CFAP20: variants seen among roughly 807,000 people sequenced by gnomAD.
CFAP20 encodes the protein cilia- and flagella-associated protein 20.
A neutral mutation model predicts 25.5 loss-of-function variants in CFAP20; 14 were observed. The observed-to-expected ratio is 0.55, with a 90% CI of 0.36 to 0.86. The LOEUF is 0.86. Among genes scored for constraint, CFAP20 ranks in the 40% least tolerant of loss-of-function variants. The probability of loss-of-function intolerance (pLI) is 0.01; values close to 1 mark genes in which losing one functional copy is unlikely to be tolerated. For missense variants in CFAP20, 181 were observed against 248.0 expected, an observed-to-expected ratio of 0.73 and a Z score of 1.81; for synonymous variants, 75 against 91.1, an observed-to-expected ratio of 0.82 and a Z score of 1.01.
At chr16:58,122,531 G>A (rs982893028) in intron 1 of CFAP20, among the ~76,000 whole-genome samples, 3 of 152,096 alleles carry the variant, frequency 2.0e-5, no homozygotes, top group African/African-American at 7.2e-5. Flanking sequence ...GCAGTAAGCT[G>A]AGATTGTGCC....
intron 2 of CFAP20, 151 bp downstream of exon 2, chr16:58,116,721 G>C: frequency 1.6e-6 from 1 of 640,600 alleles, no homozygotes; most frequent in Non-Finnish European, 2.7e-6. Context: ...CTAAGGTCTG[G>C]GGGATTCAGT....
intron 1 of CFAP20, among the ~76,000 whole-genome samples, chr16:58,121,154 G>C (rs1325845938): frequency 6.6e-6 from 1 of 152,148 alleles, no homozygotes; most frequent in Non-Finnish European, 1.5e-5. Flanking sequence ...TTGGGGCAAA[G>C]GCTCCCCACC....
intron 5 of CFAP20, 55 bp downstream of exon 5, chr16:58,114,755 G>A: frequency 1.4e-6 from 2 of 1,432,940 alleles, no homozygotes; most frequent in Non-Finnish European, 2.0e-6. Context: ...CACCTTCCAG[G>A]AACACAGCTC....
chr16:58,124,680 G>A (rs925945585), intron 1 of CFAP20, among the ~76,000 whole-genome samples: 30 of 152,252 alleles, frequency 2.0e-4, no homozygotes, highest in Non-Finnish European at 3.4e-4. Context: ...CACTGGCCAT[G>A]AGTGGAGCAT....
rs1960443130 is a variant in CFAP20, at chr16:58,115,321, T to A, written c.413A>T (p.Asp138Val). The change falls in exon 4 of 6, where the codon GAC becomes GTC. Residue 138 changes from aspartate to valine, a missense_variant. Coordinates refer to ENST00000262498, the MANE Select transcript of CFAP20 (RefSeq NM_013242.3). ...GGTGCCGTATGCTCGCCGTGTGAAGTCTAGCAAGTTGAACTGAATCTGGTT... is the reference window on the plus strand; with the variant it reads ...GGTGCCGTATGCTCGCCGTGTGAAGACTAGCAAGTTGAACTGAATCTGGTT... Reference protein sequence around the residue: ...GWNQIQFNLLDFTRRAYGTNY... With the variant: ...GWNQIQFNLLVFTRRAYGTNY... The A allele has an allele frequency of 6.2e-7, 1 of 1,614,050 alleles. No individual in the cohort carries two copies. Among genetic ancestry groups the A allele is most frequent in the South Asian group, 1.1e-5 (1 of 91,082 alleles).
At chr16:58,115,480 A>G (rs1479112026) in intron 3 of CFAP20, 23 bp from the exon 4 acceptor site, 6 of 1,611,904 alleles carry the variant, frequency 3.7e-6, no homozygotes, top group Non-Finnish European at 4.2e-6. Flanking sequence ...GAGAAGAAGC[A>G]TCACACTAGC....
intron 1 of CFAP20, among the ~76,000 whole-genome samples, chr16:58,123,536 C>T (rs931113675): frequency 1.6e-5 from 2 of 128,922 alleles, no homozygotes; most frequent in Admixed American, 2.0e-4. Flanking sequence ...GTGGAGCCTG[C>T]AGTGAGCCGA....
Position 58,115,340 on chromosome 16 carries a change from T to C in CFAP20, c.394A>G (p.Ile132Val), listed in dbSNP as rs1343358514. ...GTGAAGTCTAGCAAGTTGAACTGAA[T>C]CTGGTTCCAGCCGTCATCCAGCCGC... ...PMRLDDGWNQ[I>V]QFNLLDFTRR... Residue 132 changes from isoleucine (I) to valine (V), a missense_variant, in exon 4 of 6, where the codon ATT (isoleucine) becomes GTT (valine). Transcript: ENST00000262498. The C allele has an allele frequency of 1.2e-6, 2 of 1,614,220 alleles. No homozygotes were observed. Among genetic ancestry groups the C allele is most frequent in the Admixed American group, 1.7e-5 (1 of 60,030 alleles).
chr16:58,128,894 G>A, intron 1 of CFAP20, 138 bp downstream of exon 1: 1 of 468,260 alleles, frequency 2.1e-6, no homozygotes, highest in Non-Finnish European at 2.7e-6. Context: ...AGTCCCGCCA[G>A]GCTGGGGACA....
chr16:58,115,180 C>T, intron 4 of CFAP20, 89 bp downstream of exon 4: 1 of 1,542,640 alleles, frequency 6.5e-7, no homozygotes, highest in Non-Finnish European at 8.9e-7. Flanking sequence ...CAGAAACCCA[C>T]ACTGTTCTGC....
Position 58,114,855 on chromosome 16 carries a change from C to A in CFAP20, c.531G>T (p.Leu177=). 6.2e-7 allele frequency: 1 copy of A among 1,614,084 alleles called. No individual in the cohort carries two copies. The highest frequency in any genetic ancestry group is 1.3e-5 in the African/African-American group (1 of 75,004). ...GGAGATACAGTTTGAACTCTGCCGG[C>A]AGCTCATCTTCTGAGTAGAGTCTGT... The part of the protein sequence containing the change: ...FSDRLYSEDE[L]PAEFKLYLPV... Residue 177 remains leucine (L), a synonymous_variant, in exon 5 of 6, where the codon CTG becomes CTT. Transcript: ENST00000262498.
intron 1 of CFAP20, among the ~76,000 whole-genome samples, chr16:58,118,361 T>C (rs926402080): frequency 2.6e-5 from 4 of 151,524 alleles, no homozygotes; most frequent in African/African-American, 9.7e-5. Flanking sequence ...AGTGTGCCTA[T>C]AGTCCCAACT....
intron 1 of CFAP20, among the ~76,000 whole-genome samples, chr16:58,121,065 T>C (rs929691873): frequency 2.0e-5 from 3 of 152,172 alleles, no homozygotes; most frequent in Non-Finnish European, 4.4e-5. Context: ...CAATCAGATA[T>C]GTGCATTAGA....
Position 58,114,902 on chromosome 16 carries a change from T to C in CFAP20, c.484A>G (p.Ile162Val). 6.2e-7 allele frequency: 1 copy of C among 1,613,714 alleles called. No individual in the cohort carries two copies. The highest frequency in any genetic ancestry group is 8.5e-7 in the Non-Finnish European group (1 of 1,179,616). Reference sequence around the variant, plus strand: ...CTGTCTGAGAAGTAAACCCGTCGGATGCGACAATTTGCATGGATCTGTCAA... The same window carrying C: ...CTGTCTGAGAAGTAAACCCGTCGGACGCGACAATTTGCATGGATCTGTCAA... ...LRVQIHANCR[I>V]RRVYFSDRLY... is the part of the protein sequence containing the mutation. The change falls in exon 5 of 6, where the codon ATC (isoleucine) becomes GTC (valine). Residue 162 changes from isoleucine to valine, a missense_variant. Ile to Val is a conservative substitution (Grantham distance 29). Coordinates refer to ENST00000262498, the MANE Select transcript of CFAP20 (RefSeq NM_013242.3).
intron 1 of CFAP20, among the ~76,000 whole-genome samples, chr16:58,126,956 T>C (rs965172518): frequency 4.0e-5 from 6 of 150,778 alleles, no homozygotes; most frequent in Non-Finnish European, 5.9e-5. Context: ...CAATTGAGTC[T>C]AAATAAGAAG....
chr16:58,124,581 C>A (rs1960584962), intron 1 of CFAP20, among the ~76,000 whole-genome samples: 1 of 152,166 alleles, frequency 6.6e-6, no homozygotes, highest in African/African-American at 2.4e-5. Context: ...CTGTAGGCAA[C>A]TGTAACATAA....
chr16:58,118,557 T>C (rs1254709590), intron 1 of CFAP20, among the ~76,000 whole-genome samples: 2 of 145,234 alleles, frequency 1.4e-5, no homozygotes, highest in African/African-American at 2.5e-5. Context: ...GGGTCAGGCA[T>C]GGTGGTTCAC....
intron 1 of CFAP20, among the ~76,000 whole-genome samples, chr16:58,118,475 A>G (rs1960487490): frequency 6.7e-6 from 1 of 148,452 alleles, no homozygotes; most frequent in South Asian, 2.2e-4. Context: ...TAGGTGACAG[A>G]GCAAGACCCT....
In CFAP20 at chr16:58,124,288, G is replaced by A. The variant is rs75388373; in HGVS notation, c.84+4744C>T. Among the ~76,000 whole-genome samples, 733 of 152,282 alleles carry A rather than the reference G, an allele frequency of 4.8e-3. 6 individuals carry two copies. The highest frequency in any genetic ancestry group is 0.017 in the African/African-American group (698 of 41,544). ...TCCTATTCCTAGAAATCTGGATGGT[G>A]GGCTAAGTTCAAACATCTTATTTTA... On this transcript the variant is annotated intron_variant, in intron 1 of 5. Transcript: ENST00000262498.
Sources: allele counts gnomAD v4.1 joint callset (sites outside exome capture counted in the v4.1 genomes callset), GRCh38; gene constraint gnomAD v4.1.1; transcripts MANE v1.5; gene names NCBI Gene and HGNC (gene_info 2026-07-23, HGNC 2026-07-21).